ACBD6: variants seen among roughly 807,000 people sequenced by gnomAD.
ACBD6 encodes acyl-CoA-binding domain-containing protein 6.
ACBD6 carries 28 observed loss-of-function variants against 37.2 expected under a neutral mutation model. That is an observed-to-expected ratio of 0.75 (90% CI 0.56 to 1.03). The LOEUF is 1.03. Among genes scored for constraint, ACBD6 ranks in the 50% least tolerant of loss-of-function variants. The pLI is 0.00. For synonymous variants in ACBD6, 113 were observed against 126.8 expected, an observed-to-expected ratio of 0.89 and a Z score of 0.73; for missense variants, 340 against 337.4, an observed-to-expected ratio of 1.01 and a Z score of -0.06.
At chr1:180,435,065 A>C (rs1251580576) in intron 3 of ACBD6, 1 of 825,622 alleles carries the variant, frequency 1.2e-6, no homozygotes, top group Non-Finnish European at 2.2e-6. Context: ...GTCAGCTTGC[A>C]CATGATCTGA....
At chr1:180,494,813 G>T (rs959668918) in intron 2 of ACBD6, among the ~76,000 whole-genome samples, 1 of 152,084 alleles carries the variant, frequency 6.6e-6, no homozygotes, top group African/African-American at 2.4e-5. Flanking sequence ...CTTAGACAAG[G>T]TAAGAGAAGA....
rs1553218677 is a variant in ACBD6 at position 180,493,268 on chromosome 1, A to AACC, written c.288-904_288-903insGGT. On this transcript the variant is annotated intron_variant, in intron 2 of 7. Coordinates refer to ENST00000367595, the MANE Select transcript of ACBD6 (RefSeq NM_032360.4). ...GTCTCAAAAAAAAAAAAAAAAAAAA[A>AACC]AAAAAAAAAACAACAACAGCAACTA... Among the ~76,000 whole-genome samples the AACC allele has an allele frequency of 3.5e-3, 466 of 133,056 alleles. 16 individuals are homozygous for AACC. The highest frequency in any genetic ancestry group is 0.012 in the African/African-American group (357 of 30,036). 87.3% of individuals were successfully genotyped at this position (133,056 alleles called of 152,430 possible).
chr1:180,436,807 A>T (rs1649055758), intron 3 of ACBD6, among the ~76,000 whole-genome samples: 1 of 152,216 alleles, frequency 6.6e-6, no homozygotes, highest in Admixed American at 6.5e-5. Context: ...ACCTCAAAAA[A>T]CAAAAACAAA....
At chr1:180,383,163 T>G (rs1269915673) in intron 6 of ACBD6, among the ~76,000 whole-genome samples, 1 of 152,106 alleles carries the variant, frequency 6.6e-6, no homozygotes, top group Non-Finnish European at 1.5e-5. Flanking sequence ...CCACTCCTAT[T>G]CAACACAGTA....
chr1:180,413,518 AAG>A (rs1433663708), intron 4 of ACBD6, 47 bp from the exon 5 acceptor site: 2 of 1,372,760 alleles, frequency 1.5e-6, no homozygotes. Context: ...TAATACATTA[AAG>A]TTACATATTT....
intron 3 of ACBD6, among the ~76,000 whole-genome samples, chr1:180,444,344 A>T (rs1012717595): frequency 1.3e-5 from 2 of 151,940 alleles, no homozygotes; most frequent in African/African-American, 4.8e-5. Flanking sequence ...AACTGACCCC[A>T]TAATTTGATT....
intron 6 of ACBD6, among the ~76,000 whole-genome samples, chr1:180,382,247 G>C (rs962967219): frequency 9.3e-5 from 14 of 150,370 alleles, no homozygotes; most frequent in African/African-American, 3.4e-4. Flanking sequence ...CAAAACCAAA[G>C]AATCAACAAA....
chr1:180,318,198 A>G (rs1459084052), intron 6 of ACBD6, among the ~76,000 whole-genome samples: 1 of 148,960 alleles, frequency 6.7e-6, no homozygotes, highest in Non-Finnish European at 1.5e-5. Flanking sequence ...AAGAAAGAAA[A>G]AAAAGGAATA....
chr1:180,488,669 C>T (rs920526039), intron 3 of ACBD6, among the ~76,000 whole-genome samples: 2 of 151,960 alleles, frequency 1.3e-5, no homozygotes, highest in Non-Finnish European at 2.9e-5. Flanking sequence ...TGAACTCCTA[C>T]GTTCAATGGA....
At chr1:180,407,734 G>A (rs1305274719) in intron 5 of ACBD6, among the ~76,000 whole-genome samples, 1 of 152,152 alleles carries the variant, frequency 6.6e-6, no homozygotes, top group East Asian at 1.9e-4. Flanking sequence ...TTCAGTTCCT[G>A]TCTGTAAAAC....
intron 3 of ACBD6, among the ~76,000 whole-genome samples, chr1:180,468,259 G>A (rs1650425598): frequency 6.6e-6 from 1 of 152,154 alleles, no homozygotes; most frequent in South Asian, 2.1e-4. Flanking sequence ...ATTCCTCCAA[G>A]CAATTACTGA....
At chr1:180,368,363 C>A (rs918130867) in intron 6 of ACBD6, among the ~76,000 whole-genome samples, 24 of 152,164 alleles carry the variant, frequency 1.6e-4, no homozygotes, top group African/African-American at 5.3e-4. Flanking sequence ...TTTTGCTGTG[C>A]AGAGGCTCTT....
chr1:180,391,087 A>C (rs1654059329), intron 6 of ACBD6, among the ~76,000 whole-genome samples: 1 of 152,168 alleles, frequency 6.6e-6, no homozygotes, highest in African/African-American at 2.4e-5. Context: ...GGGAAAGAAC[A>C]GTCTTTTCAA....
intron 3 of ACBD6, among the ~76,000 whole-genome samples, chr1:180,490,773 G>A (rs111856795): frequency 0.043 from 6,229 of 145,250 alleles, 214 homozygotes; most frequent in South Asian, 0.087. Flanking sequence ...GCGACAGAGT[G>A]AGACTCTGTC....
At chr1:180,368,915 A>G (rs564635670) in intron 6 of ACBD6, among the ~76,000 whole-genome samples, 13 of 152,314 alleles carry the variant, frequency 8.5e-5, no homozygotes, top group African/African-American at 3.1e-4. Flanking sequence ...CATGGATAAG[A>G]AAGGCTACTG....
At chr1:180,277,979 C>T (rs1280778144) in intron 9 of ACBD6, 2 of 152,024 alleles carry the variant, frequency 1.3e-5, no homozygotes, top group African/African-American at 2.4e-5. Flanking sequence ...ATCTGTAAAA[C>T]AAAAGACATT....
At chr1:180,380,059 G>A (rs563846708) in intron 6 of ACBD6, among the ~76,000 whole-genome samples, 5 of 152,154 alleles carry the variant, frequency 3.3e-5, no homozygotes, top group Non-Finnish European at 5.9e-5. Flanking sequence ...CCAGTAGTTC[G>A]AGACCAGCCC....
At chr1:180,428,810 C>G (rs763585443) in intron 4 of ACBD6, among the ~76,000 whole-genome samples, 1 of 152,032 alleles carries the variant, frequency 6.6e-6, no homozygotes, top group Non-Finnish European at 1.5e-5. Flanking sequence ...AGTCAAGAAA[C>G]TATCTCAATT....
chr1:180,354,927 C>A (rs916046686), intron 6 of ACBD6, among the ~76,000 whole-genome samples: 3 of 152,120 alleles, frequency 2.0e-5, no homozygotes, highest in African/African-American at 4.8e-5. Flanking sequence ...TAAAGACATA[C>A]GCAACATTGT....
Sources: gnomAD v4.1 joint callset for allele counts (sites outside exome capture counted in the v4.1 genomes callset) on GRCh38, gnomAD v4.1.1 for gene constraint, MANE v1.5 for transcripts, NCBI Gene and HGNC (gene_info 2026-07-23, HGNC 2026-07-21) for gene names.